Variants in MAP3K7CL observed in about 807,000 individuals in gnomAD.
MAP3K7CL encodes MAP3K7 C-terminal like, also known as MAP3K7 C-terminal-like protein.
MAP3K7CL carries 16 observed loss-of-function variants against 18.6 expected under a neutral mutation model. That is an observed-to-expected ratio of 0.86 (90% CI 0.58 to 1.31). The LOEUF is 1.31. Among genes scored for constraint, MAP3K7CL ranks in the 50% most tolerant of loss-of-function variants. The probability of loss-of-function intolerance (pLI) is 0.00; values close to 1 mark genes in which losing one functional copy is unlikely to be tolerated. For missense variants in MAP3K7CL, 163 were observed against 174.4 expected, an observed-to-expected ratio of 0.93 and a Z score of 0.37; for synonymous variants, 65 against 66.8, an observed-to-expected ratio of 0.97 and a Z score of 0.13.
chr21:29,093,843 T>G (rs1333476941), intron 4 of MAP3K7CL, among the ~76,000 whole-genome samples: 1 of 152,184 alleles, frequency 6.6e-6, no homozygotes, highest in Non-Finnish European at 1.5e-5. Flanking sequence ...GCAGTAACCC[T>G]GGTCATATCA....
upstream of MAP3K7CL, among the ~76,000 whole-genome samples, chr21:29,082,048 A>AACAGGG (rs2085844791): frequency 6.6e-6 from 1 of 152,226 alleles, no homozygotes; most frequent in Non-Finnish European, 1.5e-5. Flanking sequence ...AAATGAATAA[A>AACAGGG]ACAGGGATGT....
chr21:29,172,467 G>A (rs751763690), intron 4 of MAP3K7CL, among the ~76,000 whole-genome samples: 2 of 152,084 alleles, frequency 1.3e-5, no homozygotes, highest in Non-Finnish European at 2.9e-5. Context: ...TGGTCATTTG[G>A]TGAAAGTGGC....
intron 1 of MAP3K7CL, among the ~76,000 whole-genome samples, chr21:29,132,603 G>T (rs756178218): frequency 6.6e-6 from 1 of 152,000 alleles, no homozygotes; most frequent in Admixed American, 6.6e-5. Flanking sequence ...TCTGCCTCCC[G>T]GGTTCAAGCG....
At chr21:29,078,937 C>T (rs1027996327) in intron 1 of MAP3K7CL, among the ~76,000 whole-genome samples, 5 of 152,090 alleles carry the variant, frequency 3.3e-5, no homozygotes, top group African/African-American at 1.2e-4. Context: ...AGAATCAGAC[C>T]GTTTATTCAT....
rs1242258786 is a variant in MAP3K7CL at position 29,133,385 on chromosome 21, G to C, written c.41G>C (p.Arg14Pro). The C allele has an allele frequency of 1.9e-6, 3 of 1,549,458 alleles. No homozygotes were observed. Among genetic ancestry groups the C allele is most frequent in the Non-Finnish European group, 2.6e-6 (3 of 1,146,210 alleles). ...AGGGTACCTGCTGACAAGCCTGTAC[G>C]CATCGCCTTTAGCCTCAATGACGCC... ...TARVPADKPVRIAFSLNDASD... is the reference protein window; with the variant it reads ...TARVPADKPVPIAFSLNDASD... The change falls in exon 2 of 5, where the codon CGC becomes CCC. Residue 14 changes from arginine to proline, a missense_variant. By Grantham distance (103) the Arg-to-Pro change is moderately radical. Coordinates refer to ENST00000399928, the MANE Select transcript of MAP3K7CL (RefSeq NM_001286620.2).
At chr21:29,156,118 A>G (rs920858096) in intron 3 of MAP3K7CL, among the ~76,000 whole-genome samples, 5 of 152,358 alleles carry the variant, frequency 3.3e-5, no homozygotes, top group East Asian at 1.9e-4. Flanking sequence ...TGGAGGATGT[A>G]GCATCATTGT....
intron 2 of MAP3K7CL, among the ~76,000 whole-genome samples, chr21:29,146,631 C>T (rs1423613225): frequency 6.6e-6 from 1 of 152,152 alleles, no homozygotes; most frequent in Non-Finnish European, 1.5e-5. Context: ...GGAAATTTCT[C>T]AGTTTTTACT....
intron 2 of MAP3K7CL, among the ~76,000 whole-genome samples, chr21:29,135,945 G>T (rs2086876464): frequency 6.6e-6 from 1 of 152,120 alleles, no homozygotes; most frequent in Non-Finnish European, 1.5e-5. Context: ...GCACCTACCT[G>T]GAGAACCTAG....
chr21:29,106,076 G>A (rs930915683), intron 4 of MAP3K7CL, among the ~76,000 whole-genome samples: 3 of 152,104 alleles, frequency 2.0e-5, no homozygotes, highest in South Asian at 4.2e-4. Context: ...AGCCAGACTG[G>A]GGTATAAGTA....
At position 29,086,065 on chromosome 21, in the gene MAP3K7CL, G is replaced by A. The variant is rs2085920395; in HGVS notation, c.57+148G>A. 25 of 852,902 alleles carry A rather than the reference G, an allele frequency of 2.9e-5. No homozygotes were observed. In the South Asian group the frequency reaches 3.0e-4, roughly 10 times the overall value. The allele number at this position is 852,902 out of a possible 1,614,324, so 52.8% of individuals were successfully genotyped here. ...CTAACCATTACTGTTGGCAATCTGT[G>A]GGAGGTCGGCAGACTATTTGTTAAG... On this transcript the variant is annotated intron_variant, in intron 1 of 6. Coordinates refer to the MAP3K7CL transcript ENST00000286791.
intron 2 of MAP3K7CL, among the ~76,000 whole-genome samples, chr21:29,146,919 A>G (rs1342345841): frequency 6.6e-6 from 1 of 152,192 alleles, no homozygotes; most frequent in East Asian, 1.9e-4. Flanking sequence ...AGATGCCAGA[A>G]ATGCCTTGTG....
chr21:29,086,658 T>C (rs756266870), intron 1 of MAP3K7CL, among the ~76,000 whole-genome samples: 1 of 152,168 alleles, frequency 6.6e-6, no homozygotes, highest in South Asian at 2.1e-4. Flanking sequence ...GCAAGAAATA[T>C]AGTAAAGCCT....
At chr21:29,164,457 A>G (rs2087634287) in intron 4 of MAP3K7CL, among the ~76,000 whole-genome samples, 1 of 152,234 alleles carries the variant, frequency 6.6e-6, no homozygotes. Context: ...ATTTTAAAAG[A>G]CAGTTTTTCT....
chr21:29,133,720 A>G (rs959547844), intron 2 of MAP3K7CL, among the ~76,000 whole-genome samples: 1 of 152,180 alleles, frequency 6.6e-6, no homozygotes, highest in Non-Finnish European at 1.5e-5. Flanking sequence ...AAAGTGTGTT[A>G]TTGTTAAAAC....
intron 1 of MAP3K7CL, among the ~76,000 whole-genome samples, chr21:29,078,329 T>C (rs1369546657): frequency 6.6e-6 from 1 of 152,240 alleles, no homozygotes; most frequent in Non-Finnish European, 1.5e-5. Flanking sequence ...AATATTCCTT[T>C]ATAAATTTAA....
chr21:29,099,261 A>ATAT (rs2086177774), intron 4 of MAP3K7CL, among the ~76,000 whole-genome samples: 1 of 83,028 alleles, frequency 1.2e-5, no homozygotes, highest in African/African-American at 5.3e-5. Context: ...CAGCTAATTG[A>ATAT]TTTTTTTTTT....
At chr21:29,124,570 T>C (rs531224697) in intron 4 of MAP3K7CL, among the ~76,000 whole-genome samples, 8 of 152,324 alleles carry the variant, frequency 5.3e-5, no homozygotes, top group African/African-American at 1.9e-4. Context: ...AACCCTGAGT[T>C]AGTCCATGCT....
intron 4 of MAP3K7CL, among the ~76,000 whole-genome samples, chr21:29,097,051 T>C (rs1040727387): frequency 4.6e-5 from 7 of 152,108 alleles, no homozygotes; most frequent in African/African-American, 1.7e-4. Flanking sequence ...AGGCTAACGA[T>C]TGTGGCTGGG....
Position 29,172,445 on chromosome 21 carries a change from C to A in MAP3K7CL, c.249-2267C>A, listed in dbSNP as rs191162888. The stretch of plus-strand genomic sequence containing the variant: ...TGATGTCTATTTATCTCATGACTAG[C>A]AGTGTCAACTTTGGTCATTTGGTGA... On this transcript the variant is annotated intron_variant, in intron 4 of 4. Transcript: ENST00000399928. 2.0e-5 allele frequency among the ~76,000 whole-genome samples: 3 copies of A among 152,230 alleles called. No individual in the cohort carries two copies. The South Asian group carries it at 6.2e-4, about 32-fold the overall frequency.
Sources: allele counts gnomAD v4.1 joint callset (sites outside exome capture counted in the v4.1 genomes callset), GRCh38; gene constraint gnomAD v4.1.1; transcripts MANE v1.5; gene names NCBI Gene and HGNC (gene_info 2026-07-23, HGNC 2026-07-21).